MINK1: variants seen among roughly 807,000 people sequenced by gnomAD.
The protein encoded by MINK1 is misshapen like kinase 1.
Under a neutral mutation model 178.4 loss-of-function variants are expected in MINK1, and 46 were observed. That is an observed-to-expected ratio of 0.26 (90% confidence interval 0.20 to 0.33). The LOEUF (loss-of-function observed/expected upper bound fraction) is 0.33, where lower values mean the gene tolerates loss of function less well. MINK1 is among the 10% of genes least tolerant of loss of function. MINK1 has a pLI of 1.00. For missense variants in MINK1, 1,366 were observed against 1,814.9 expected, an observed-to-expected ratio of 0.75 and a Z score of 4.49; for synonymous variants, 797 against 709.7, an observed-to-expected ratio of 1.12 and a Z score of -1.96.
chr17:4,846,628 T>A (rs1911073013), intron 1 of MINK1, among the ~76,000 whole-genome samples: 1 of 152,124 alleles, frequency 6.6e-6, no homozygotes, highest in African/African-American at 2.4e-5. Flanking sequence ...AAGTAATAAG[T>A]GATTGAAGTG....
intron 12 of MINK1, among the ~76,000 whole-genome samples, chr17:4,888,497 G>A (rs1019686624): frequency 1.3e-5 from 2 of 151,866 alleles, no homozygotes; most frequent in South Asian, 2.1e-4. Context: ...TTAGCCAGGC[G>A]TGGTGGTGCA....
chr17:4,833,671 G>T lies in MINK1; in HGVS notation c.57+31G>T. On this transcript the variant is annotated intron_variant, in intron 1 of 31. Coordinates refer to ENST00000355280, the MANE Select transcript of MINK1 (RefSeq NM_153827.5). The surrounding 1 kb of genome is among the most constrained non-coding windows in gnomAD (Gnocchi z 4.8). The stretch of plus-strand genomic sequence containing the variant: ...CGCGCCGTCCCCCAGCCTCGCCCTG[G>T]TTCCTGTCCCCGCCGCAGGGGAGGG... The T allele has an allele frequency of 2.7e-6, 4 of 1,469,882 alleles. No individual in the cohort carries two copies. The highest frequency in any genetic ancestry group is 1.8e-6 in the Non-Finnish European group (2 of 1,113,402). The allele number at this position is 1,469,882 out of a possible 1,614,324, so 91.1% of individuals were successfully genotyped here.
intron 1 of MINK1, among the ~76,000 whole-genome samples, chr17:4,848,628 G>A (rs1195694862): frequency 6.6e-6 from 1 of 152,182 alleles, no homozygotes; most frequent in African/African-American, 2.4e-5. Flanking sequence ...CCAAAGTGCT[G>A]GGATTACAGG....
chr17:4,874,418 G>C (rs970986598), intron 1 of MINK1, among the ~76,000 whole-genome samples: 2 of 152,192 alleles, frequency 1.3e-5, no homozygotes, highest in African/African-American at 4.8e-5. Flanking sequence ...TCTAAGCATT[G>C]GGGAGCCCCA....
intron 1 of MINK1, among the ~76,000 whole-genome samples, chr17:4,837,971 C>T (rs1270443016): frequency 2.0e-5 from 3 of 152,132 alleles, no homozygotes; most frequent in Non-Finnish European, 2.9e-5. Flanking sequence ...CAGCACCACT[C>T]GGAAAGCTGG....
At position 4,891,506 on chromosome 17, in the gene MINK1, C is replaced by T; in HGVS notation, c.1791C>T (p.Pro597=). The part of the protein sequence containing the change: ...VPLKPYAAPV[P]RSQSLQDQPT... ...TGAAGCCATATGCAGCACCTGTACC[C>T]CGATCCCAGTCCCTGCAGGACCAGC... Residue 597 remains proline, a synonymous_variant, in exon 16 of 32, where the codon CCC becomes CCT. Transcript: ENST00000355280. 6.2e-7 allele frequency: 1 copy of T among 1,611,442 alleles called. No homozygotes were observed. The highest frequency in any genetic ancestry group is 8.5e-7 in the Non-Finnish European group (1 of 1,178,544).
In MINK1 at chr17:4,833,441, G is replaced by GCCCTCC. The variant is rs1474812973; in HGVS notation, c.-134_-129dup. The GCCCTCC allele has an allele frequency of 1.6e-6, 1 of 618,860 alleles. No homozygotes were observed. 38.3% of individuals were successfully genotyped at this position (618,860 alleles called of 1,614,324 possible). A position where few individuals can be genotyped will look rare whatever the true frequency, so the allele number is the denominator to read the frequency against. ...AGTCGGTGGGTCGGTCCTCGCGCCG[G>GCCCTCC]CCCTCCCCCTCCCCGGTCTCCGGGG... On this transcript the variant is annotated 5_prime_UTR_variant, in exon 1 of 32. Transcript: ENST00000355280. The surrounding 1 kb of genome is among the most constrained non-coding windows in gnomAD (Gnocchi z 4.8).
rs747456065 is a variant in MINK1 at position 4,893,476 on chromosome 17, C to T, written c.2443C>T (p.Arg815Trp). ...LKERTLDEAP[R>W]PPKKAMDYSS... ...AGAGCGGACTCTGGACGAGGCCCCT[C>T]GGCCTCCCAAGAAGGCCATGGACTA... The change falls in exon 21 of 32, where the codon CGG becomes TGG. Residue 815 changes from arginine (R) to tryptophan (W), a missense_variant. Transcript: ENST00000355280. 4 of 1,594,668 alleles carry T rather than the reference C, an allele frequency of 2.5e-6. No individual in the cohort carries two copies. The highest frequency in any genetic ancestry group is 3.4e-6 in the Non-Finnish European group (4 of 1,164,910).
At chr17:4,878,280 AGTCTT>A (rs1567597293) in intron 1 of MINK1, 32 bp from the exon 2 acceptor site, 1 of 1,525,198 alleles carries the variant, frequency 6.6e-7, no homozygotes, top group African/African-American at 1.4e-5. Context: ...CCTTTTCTAA[AGTCTT>A]GACACAGTAT....
rs189630566 is a variant in MINK1 at position 4,880,756 on chromosome 17, C to T, written c.124-228C>T. 7.2e-5 allele frequency among the ~76,000 whole-genome samples: 11 copies of T among 151,880 alleles called. No homozygotes were observed. In the East Asian group the frequency reaches 1.4e-3, roughly 19 times the overall value. On this transcript the variant is annotated intron_variant, in intron 2 of 31. Transcript: ENST00000355280. ...CTACTAAAAATACAAAAAAATTAGCCGGGCGAGGTGGTGGATGCCTGTAGT... is the reference window on the plus strand; with the variant it reads ...CTACTAAAAATACAAAAAAATTAGCTGGGCGAGGTGGTGGATGCCTGTAGT...
At chr17:4,861,762 A>G in intron 1 of MINK1, 2 of 185,892 alleles carry the variant, frequency 1.1e-5, no homozygotes, top group South Asian at 1.3e-4. Flanking sequence ...CAGCCTCCCA[A>G]GGTGCTGGGA....
intron 4 of MINK1, 34 bp from the exon 5 acceptor site, chr17:4,884,329 T>C: frequency 1.3e-6 from 2 of 1,573,136 alleles, no homozygotes; most frequent in Non-Finnish European, 1.8e-6. Flanking sequence ...GTCTGACTGA[T>C]ACTTTTCCTT....
In MINK1 at chr17:4,896,952, C is replaced by G. The variant is rs1969579440; in HGVS notation, c.3915+139C>G. 8.5e-7 allele frequency: 1 copy of G among 1,176,860 alleles called. No individual in the cohort carries two copies. Among genetic ancestry groups the G allele is most frequent in the Non-Finnish European group, 1.2e-6 (1 of 854,386 alleles). The allele number at this position is 1,176,860 out of a possible 1,614,324, so 72.9% of individuals were successfully genotyped here. ...TCTGGGAGCTCAGAGGGCAGTCAGC[C>G]ACTACCACTGCCCTGCGCTCCCTTC... On this transcript the variant is annotated intron_variant, in intron 31 of 31. Transcript: ENST00000355280. This position sits in a 1 kb window ranked among gnomAD's most constrained non-coding sequence, Gnocchi z 4.6.
In MINK1 at chr17:4,890,600, G is replaced by A. The variant is rs1463083490; in HGVS notation, c.1431G>A (p.Lys477=). 1 of 1,566,294 alleles carries A rather than the reference G, an allele frequency of 6.4e-7. No individual in the cohort carries two copies. Among genetic ancestry groups the A allele is most frequent in the African/African-American group, 1.4e-5 (1 of 73,512 alleles). ...TGCAGCAGGAGCATGCCTACCTCAA[G>A]TCCCTGCAGCAGCAGCAACAGCAGC... The part of the protein sequence containing the change: ...RQLQQEHAYL[K]SLQQQQQQQQ... The change falls in exon 14 of 32, where the codon AAG becomes AAA. Residue 477 remains lysine, a synonymous_variant. Coordinates refer to ENST00000355280, the MANE Select transcript of MINK1 (RefSeq NM_153827.5).
intron 1 of MINK1, among the ~76,000 whole-genome samples, chr17:4,874,400 T>G (rs1966983488): frequency 6.6e-6 from 1 of 152,232 alleles, no homozygotes; most frequent in African/African-American, 2.4e-5. Flanking sequence ...GCTGAGGTGT[T>G]GGGACTCTCT....
At chr17:4,865,654 A>G (rs1204715452) in intron 1 of MINK1, among the ~76,000 whole-genome samples, 1 of 149,596 alleles carries the variant, frequency 6.7e-6, no homozygotes, top group Non-Finnish European at 1.5e-5. Flanking sequence ...GAAGACAGGC[A>G]GGAGGATCGC....
intron 13 of MINK1, 103 bp downstream of exon 13, chr17:4,889,866 T>A: frequency 1.3e-6 from 1 of 751,196 alleles, no homozygotes; most frequent in South Asian, 1.8e-5. Context: ...CACCCCCAGA[T>A]TCCTCCTATC....
chr17:4,890,795 C>A (rs1352181173), intron 14 of MINK1, 60 bp downstream of exon 14: 4 of 1,524,362 alleles, frequency 2.6e-6, no homozygotes, highest in Non-Finnish European at 3.5e-6. Context: ...GCCTGGAGAG[C>A]CACAAGAAGT....
chr17:4,859,946 G>C (rs1199851277), intron 1 of MINK1, among the ~76,000 whole-genome samples: 1 of 152,184 alleles, frequency 6.6e-6, no homozygotes, highest in South Asian at 2.1e-4. Context: ...ATGCGGAGCC[G>C]GGTACAGAGG....
Sources: gnomAD v4.1 joint callset for allele counts (sites outside exome capture counted in the v4.1 genomes callset) on GRCh38, gnomAD v4.1.1 for gene constraint, Gnocchi (gnomAD v3.1) non-coding constraint, MANE v1.5 for transcripts, NCBI Gene and HGNC (gene_info 2026-07-23, HGNC 2026-07-21) for gene names.